ARMC9: variants seen among roughly 807,000 people sequenced by gnomAD.
ARMC9 encodes lisH domain-containing protein ARMC9.
Under a neutral mutation model 107.0 loss-of-function variants are expected in ARMC9, and 94 were observed. That is an observed-to-expected ratio of 0.88 (90% confidence interval 0.74 to 1.04). ARMC9 has a LOEUF of 1.04. Among genes scored for constraint, ARMC9 ranks in the 50% least tolerant of loss-of-function variants. The pLI is 0.00. For synonymous variants in ARMC9, 380 were observed against 396.9 expected (o/e 0.96, Z 0.51); for missense variants, 942 against 1,030.1 (o/e 0.91, Z 1.17).
intron 12 of ARMC9, among the ~76,000 whole-genome samples, chr2:231,262,969 G>A (rs1291344449): frequency 1.4e-5 from 2 of 147,482 alleles, no homozygotes; most frequent in Non-Finnish European, 3.0e-5. Flanking sequence ...TCGTTGGGAT[G>A]ATTACATACA....
chr2:231,335,340 T>C (rs1233967494), intron 20 of ARMC9, among the ~76,000 whole-genome samples: 1 of 152,086 alleles, frequency 6.6e-6, no homozygotes, highest in African/African-American at 2.4e-5. Context: ...CGCCAGTAAT[T>C]TAAAAACCAA....
At chr2:231,250,861 C>T (rs1395933225) in intron 9 of ARMC9, among the ~76,000 whole-genome samples, 1 of 152,148 alleles carries the variant, frequency 6.6e-6, no homozygotes, top group Non-Finnish European at 1.5e-5. Context: ...GATTCTTGTT[C>T]TAGGGGAAGT....
At chr2:231,308,101 G>A (rs1326614425) in intron 19 of ARMC9, among the ~76,000 whole-genome samples, 1 of 152,210 alleles carries the variant, frequency 6.6e-6, no homozygotes, top group Non-Finnish European at 1.5e-5. Context: ...GAGCCCAAGA[G>A]ACGTGAGCAG....
At chr2:231,313,364 T>C (rs1476557412) in intron 19 of ARMC9, among the ~76,000 whole-genome samples, 1 of 152,240 alleles carries the variant, frequency 6.6e-6, no homozygotes, top group East Asian at 1.9e-4. Flanking sequence ...TAATATAAAG[T>C]ACTTCTCTTG....
At chr2:231,296,456 T>C (rs2041375126) in intron 19 of ARMC9, among the ~76,000 whole-genome samples, 1 of 152,218 alleles carries the variant, frequency 6.6e-6, no homozygotes, top group Non-Finnish European at 1.5e-5. Flanking sequence ...CGGCCATGTT[T>C]GAAGACTCCC....
intron 14 of ARMC9, among the ~76,000 whole-genome samples, chr2:231,274,320 G>T (rs2039586112): frequency 6.6e-6 from 1 of 152,150 alleles, no homozygotes; most frequent in South Asian, 2.1e-4. Context: ...GTTTCACCAT[G>T]CTGGTGAGTC....
At position 231,360,987 on chromosome 2, in the gene ARMC9, A is replaced by T. The variant is rs2045552377; in HGVS notation, c.2261+104A>T. 7.0e-7 allele frequency: 1 copy of T among 1,423,974 alleles called. No homozygotes were observed. Among genetic ancestry groups the T allele is most frequent in the Admixed American group, 2.9e-5 (1 of 35,084 alleles). 88.2% of individuals were successfully genotyped at this position (1,423,974 alleles called of 1,614,324 possible). On this transcript the variant is annotated intron_variant, in intron 23 of 24. Transcript: ENST00000611582. The surrounding 1 kb of genome is among the most constrained non-coding windows in gnomAD (Gnocchi z 4.7). ...CCAGGAGACCTGGAAGGCTCCTCTG[A>T]GGCCCAGCCTCTGACAGGGGAGGCT...
At chr2:231,334,318 A>G (rs1250537099) in intron 20 of ARMC9, among the ~76,000 whole-genome samples, 1 of 152,226 alleles carries the variant, frequency 6.6e-6, no homozygotes, top group Non-Finnish European at 1.5e-5. Flanking sequence ...CTTAGGGCTC[A>G]GCTCCCCCGA....
chr2:231,320,906 A>G (rs980543507), intron 19 of ARMC9, among the ~76,000 whole-genome samples: 1 of 152,220 alleles, frequency 6.6e-6, no homozygotes, highest in Non-Finnish European at 1.5e-5. Flanking sequence ...ACCCACAAAA[A>G]TGATAGATGC....
chr2:231,274,210 C>T (rs181077359), intron 14 of ARMC9, among the ~76,000 whole-genome samples: 58 of 152,228 alleles, frequency 3.8e-4, no homozygotes, highest in African/African-American at 1.3e-3. Context: ...CTCCGCCTCC[C>T]GGGTTCAACC....
intron 20 of ARMC9, among the ~76,000 whole-genome samples, chr2:231,335,054 A>G (rs1435864221): frequency 2.0e-5 from 3 of 152,196 alleles, no homozygotes; most frequent in Non-Finnish European, 4.4e-5. Context: ...AGAAAATTGT[A>G]TTCAAAAAGC....
At chr2:231,314,198 C>G (rs1302781615) in intron 19 of ARMC9, among the ~76,000 whole-genome samples, 1 of 151,766 alleles carries the variant, frequency 6.6e-6, no homozygotes, top group Non-Finnish European at 1.5e-5. Context: ...TCCTGCCTCA[C>G]CCTCCCAAGT....
intron 11 of ARMC9, among the ~76,000 whole-genome samples, chr2:231,259,646 C>T (rs2038156346): frequency 6.6e-6 from 1 of 152,174 alleles, no homozygotes. Context: ...CCTCAGAGAG[C>T]TTTCATTTAC....
At chr2:231,325,005 C>T (rs1430401795) in intron 19 of ARMC9, among the ~76,000 whole-genome samples, 1 of 152,070 alleles carries the variant, frequency 6.6e-6, no homozygotes, top group Non-Finnish European at 1.5e-5. Context: ...GGGTGGATCA[C>T]TTGAGCTCAA....
At chr2:231,232,647 C>T (rs974240287) in intron 7 of ARMC9, among the ~76,000 whole-genome samples, 1 of 151,846 alleles carries the variant, frequency 6.6e-6, no homozygotes, top group African/African-American at 2.4e-5. Context: ...GATGGAGTTT[C>T]ACCATGTTGG....
intron 1 of ARMC9, among the ~76,000 whole-genome samples, chr2:231,202,835 G>A (rs1183486223): frequency 6.6e-6 from 1 of 152,128 alleles, no homozygotes; most frequent in Non-Finnish European, 1.5e-5. Flanking sequence ...ATGGGCCTCA[G>A]TATAACAGTG....
chr2:231,352,856 G>A (rs983352185), intron 21 of ARMC9, among the ~76,000 whole-genome samples: 2 of 139,200 alleles, frequency 1.4e-5, no homozygotes, highest in Non-Finnish European at 3.0e-5. Context: ...GGCCGGGCGC[G>A]GGGGCTCACA....
At chr2:231,282,795 C>A (rs73096137) in intron 17 of ARMC9, among the ~76,000 whole-genome samples, 3,403 of 152,268 alleles carry the variant, frequency 0.022, 127 homozygotes, top group African/African-American at 0.077. Context: ...AACAGTTACA[C>A]CAGAGACCAA....
rs555293885 is a variant in ARMC9 at position 231,323,405 on chromosome 2, G to A, written c.1774-8388G>A. Among the ~76,000 whole-genome samples the A allele has an allele frequency of 4.6e-5, 7 of 152,324 alleles. No individual in the cohort carries two copies. In the East Asian group the frequency reaches 1.2e-3, roughly 25 times the overall value. On this transcript the variant is annotated intron_variant, in intron 19 of 24. Transcript: ENST00000611582. ...CTATCAGCAAGCTTCATTGCTGGGA[G>A]GTTCTCTGCTTACATTTCCCACCGC...
Sources: gnomAD v4.1 joint callset for allele counts (sites outside exome capture counted in the v4.1 genomes callset) on GRCh38, gnomAD v4.1.1 for gene constraint, Gnocchi (gnomAD v3.1) non-coding constraint, MANE v1.5 for transcripts, NCBI Gene and HGNC (gene_info 2026-07-23, HGNC 2026-07-21) for gene names.